COLGALT2: variants seen among roughly 807,000 people sequenced by gnomAD.
The protein encoded by COLGALT2 is collagen beta(1-O)galactosyltransferase 2.
COLGALT2 carries 49 observed loss-of-function variants against 73.4 expected under a neutral mutation model. The observed-to-expected ratio is 0.67, with a 90% CI of 0.53 to 0.85. The LOEUF (loss-of-function observed/expected upper bound fraction) is 0.85. COLGALT2 is among the 40% of genes least tolerant of loss of function. The probability of loss-of-function intolerance (pLI) is 0.00; values close to 1 mark genes in which losing one functional copy is unlikely to be tolerated. For missense variants in COLGALT2, 722 were observed against 790.2 expected (o/e 0.91, Z 1.03); for synonymous variants, 295 against 307.6 (o/e 0.96, Z 0.43).
At chr1:183,962,980 C>T (rs572596042) in intron 6 of COLGALT2, among the ~76,000 whole-genome samples, 2 of 151,134 alleles carry the variant, frequency 1.3e-5, no homozygotes, top group South Asian at 2.1e-4. Context: ...CTCCACTGCC[C>T]ACGTTCACAC....
Position 183,954,746 on chromosome 1 carries a change from TAG to T in COLGALT2, c.1029+14_1029+15del. ...ACACGCGTGCATGTGCACACACATA[TAG>T]ACACCTTTCCTACCTCATCAAATCC... On this transcript the variant is annotated intron_variant, in intron 7 of 11. Coordinates refer to ENST00000361927, the MANE Select transcript of COLGALT2 (RefSeq NM_015101.4). The T allele has an allele frequency of 6.3e-7, 1 of 1,594,590 alleles. No individual in the cohort carries two copies. Among genetic ancestry groups the T allele is most frequent in the Non-Finnish European group, 8.6e-7 (1 of 1,162,612 alleles).
rs1471045145 is a variant in COLGALT2, at chr1:183,937,190, A to G, written c.*1571T>C. Reference sequence around the variant, plus strand: ...GGCCCTCCCCATGAGTTTAAGTGTGAAGCTCAGGGTTTGGGGTGTGCACGG... The same window carrying G: ...GGCCCTCCCCATGAGTTTAAGTGTGGAGCTCAGGGTTTGGGGTGTGCACGG... On this transcript the variant is annotated 3_prime_UTR_variant, in exon 12 of 12. Transcript: ENST00000361927. 6 of 1,223,672 alleles carry G rather than the reference A, an allele frequency of 4.9e-6. No homozygotes were observed. The highest frequency in any genetic ancestry group is 6.1e-6 in the Non-Finnish European group (6 of 983,474). 75.8% of individuals were successfully genotyped at this position (1,223,672 alleles called of 1,614,324 possible). A position where few individuals can be genotyped will look rare whatever the true frequency, so the allele number is the denominator to read the frequency against.
At chr1:184,036,555 A>G (rs1228906475) in intron 1 of COLGALT2, among the ~76,000 whole-genome samples, 1 of 152,168 alleles carries the variant, frequency 6.6e-6, no homozygotes, top group African/African-American at 2.4e-5. Context: ...GAGAGCTAGG[A>G]GCACATTTCC....
At chr1:183,986,595 C>T (rs770535518) in intron 1 of COLGALT2, among the ~76,000 whole-genome samples, 1 of 152,128 alleles carries the variant, frequency 6.6e-6, no homozygotes, top group Non-Finnish European at 1.5e-5. Flanking sequence ...TTCAAAAGCC[C>T]ATTATCATCT....
intron 1 of COLGALT2, among the ~76,000 whole-genome samples, chr1:184,008,262 T>C (rs949264616): frequency 6.6e-6 from 1 of 152,142 alleles, no homozygotes; most frequent in Non-Finnish European, 1.5e-5. Flanking sequence ...TTAAGATCGA[T>C]AGTATCAAAG....
chr1:183,969,263 C>G lies in COLGALT2; in HGVS notation c.832+6G>C. On this transcript the variant is annotated splice_donor_region_variant and intron_variant, in intron 5 of 11. Transcript: ENST00000361927. ...TTGTGGCACTACAACCAAAGACAAA[C>G]AGTACCTGCTTGCCTGCTGGAGAAG... The G allele has an allele frequency of 1.9e-6, 3 of 1,603,004 alleles. No homozygotes were observed. The highest frequency in any genetic ancestry group is 2.6e-6 in the Non-Finnish European group (3 of 1,174,256).
intron 1 of COLGALT2, among the ~76,000 whole-genome samples, chr1:184,024,210 CA>C (rs1235159183): frequency 6.6e-6 from 1 of 151,874 alleles, no homozygotes; most frequent in Non-Finnish European, 1.5e-5. Flanking sequence ...GAGGGCAAGG[CA>C]AGGCAAAGAA....
At chr1:183,960,991 T>G (rs1670683968) in intron 6 of COLGALT2, among the ~76,000 whole-genome samples, 1 of 152,224 alleles carries the variant, frequency 6.6e-6, no homozygotes, top group Admixed American at 6.5e-5. Context: ...AATCTTTTAT[T>G]AGAGAAGGAT....
chr1:183,975,175 G>T lies in COLGALT2; in HGVS notation c.414C>A (p.Thr138=). The change falls in exon 3 of 12, where the codon ACC becomes ACA. Residue 138 remains threonine, a synonymous_variant. Transcript: ENST00000361927. ...GTTTCATCACATGGGCAAACCGGGAGGTTGGCCAGTGCTTTGGTCCAATTT... is the reference window on the plus strand; with the variant it reads ...GTTTCATCACATGGGCAAACCGGGATGTTGGCCAGTGCTTTGGTCCAATTT... ...PDEIGPKHWP[T]SRFAHVMKLR... The T allele has an allele frequency of 6.2e-7, 1 of 1,614,086 alleles. No individual in the cohort carries two copies. Among genetic ancestry groups the T allele is most frequent in the Non-Finnish European group, 8.5e-7 (1 of 1,179,968 alleles).
In COLGALT2 at chr1:183,944,190, A is replaced by T; in HGVS notation, c.1397+6T>A. 1 of 1,607,750 alleles carries T rather than the reference A, an allele frequency of 6.2e-7. No homozygotes were observed. Among genetic ancestry groups the T allele is most frequent in the East Asian group, 2.2e-5 (1 of 44,736 alleles). On this transcript the variant is annotated splice_donor_region_variant and intron_variant, in intron 10 of 11. Transcript: ENST00000361927. Reference sequence around the variant, plus strand: ...AGCCCTCTCGTAAGATCATCTTGTCACTCACATCAGTTCCCAGTCCAGCTG... The same window carrying T: ...AGCCCTCTCGTAAGATCATCTTGTCTCTCACATCAGTTCCCAGTCCAGCTG...
chr1:183,930,120 T>C (rs909490213), exon 12 of COLGALT2: 3 of 438,848 alleles, frequency 6.8e-6, no homozygotes, highest in African/African-American at 2.0e-5. Flanking sequence ...CCGGGCCCGA[T>C]GTGAGTACAG....
chr1:184,023,773 G>C (rs540616117), intron 1 of COLGALT2, among the ~76,000 whole-genome samples: 1 of 152,008 alleles, frequency 6.6e-6, no homozygotes, highest in African/African-American at 2.4e-5. Context: ...TCCACTCCTA[G>C]TGGAGTCAAC....
In COLGALT2 at chr1:183,973,622, G is replaced by T; in HGVS notation, c.621C>A (p.Thr207=). The T allele has an allele frequency of 6.2e-7, 1 of 1,613,956 alleles. No individual in the cohort carries two copies. Among genetic ancestry groups the T allele is most frequent in the Non-Finnish European group, 8.5e-7 (1 of 1,179,966 alleles). ...GLYSNFWCGI[T]PKGFYKRTPD... ...ATTTAAGCAAAAGACTTGCCTTAGG[G>T]GTGATTCCGCACCAGAAATTAGAAT... The change falls in exon 4 of 12, where the codon ACC becomes ACA. Residue 207 remains threonine (T), a synonymous_variant. Transcript: ENST00000361927.
intron 1 of COLGALT2, among the ~76,000 whole-genome samples, chr1:183,992,338 C>T (rs1427806470): frequency 6.6e-6 from 1 of 152,158 alleles, no homozygotes; most frequent in Admixed American, 6.5e-5. Context: ...AAGTTTAAAA[C>T]AGAAGGAAAT....
chr1:183,953,489 A>C lies in COLGALT2; in HGVS notation c.1029+1273T>G, dbSNP rs191890648. ...TTTGCTTTGGTTTGGTCCTCATAGG[A>C]ATGTTTTTAGGAGGAGAAATGAATC... On this transcript the variant is annotated intron_variant, in intron 7 of 11. Transcript: ENST00000361927. Among the ~76,000 whole-genome samples the C allele has an allele frequency of 3.3e-5, 5 of 152,140 alleles. No individual in the cohort carries two copies. In the East Asian group the frequency reaches 9.7e-4, roughly 29 times the overall value.
intron 1 of COLGALT2, among the ~76,000 whole-genome samples, chr1:183,985,333 C>G (rs989326718): frequency 1.3e-5 from 2 of 152,172 alleles, no homozygotes; most frequent in African/African-American, 2.4e-5. Context: ...AGTGCAATGG[C>G]ACAATCTCAG....
At position 183,978,524 on chromosome 1, in the gene COLGALT2, C is replaced by A; in HGVS notation, c.264-4G>T. On this transcript the variant is annotated splice_polypyrimidine_tract_variant and splice_region_variant and intron_variant, in intron 1 of 11. Coordinates refer to ENST00000361927, the MANE Select transcript of COLGALT2 (RefSeq NM_015101.4). The stretch of plus-strand genomic sequence containing the variant: ...CACATTGTGATCAGTGGCTGCCCTG[C>A]ATGAGAGAAAGCACAATATAGTTTA... 2 of 1,554,998 alleles carry A rather than the reference C, an allele frequency of 1.3e-6. No individual in the cohort carries two copies. Among genetic ancestry groups the A allele is most frequent in the Non-Finnish European group, 1.8e-6 (2 of 1,128,570 alleles).
intron 1 of COLGALT2, among the ~76,000 whole-genome samples, chr1:184,011,247 C>T (rs774542508): frequency 6.6e-6 from 1 of 152,152 alleles, no homozygotes; most frequent in Non-Finnish European, 1.5e-5. Flanking sequence ...AATGCTAGCT[C>T]GCAGGTGCCA....
At chr1:184,030,619 A>C (rs1378251417) in intron 1 of COLGALT2, among the ~76,000 whole-genome samples, 1 of 152,216 alleles carries the variant, frequency 6.6e-6, no homozygotes, top group Non-Finnish European at 1.5e-5. Flanking sequence ...CTCAGTTACA[A>C]GGCATTCATT....
Sources: allele counts gnomAD v4.1 joint callset (sites outside exome capture counted in the v4.1 genomes callset), GRCh38; gene constraint gnomAD v4.1.1; transcripts MANE v1.5; gene names NCBI Gene and HGNC (gene_info 2026-07-23, HGNC 2026-07-21).